ADGRG5: variants seen among roughly 807,000 people sequenced by gnomAD.
ADGRG5 encodes the protein adhesion G protein-coupled receptor G5.
In ADGRG5, 37 loss-of-function variants were observed where a neutral mutation model predicts 53.2. That is an observed-to-expected ratio of 0.70 (90% CI 0.53 to 0.91). The LOEUF is 0.91. Among genes scored for constraint, ADGRG5 ranks in the 40% least tolerant of loss-of-function variants. ADGRG5 has a pLI of 0.00. For synonymous variants in ADGRG5, 277 were observed against 290.4 expected, an observed-to-expected ratio of 0.95 and a Z score of 0.47; for missense variants, 614 against 675.8, an observed-to-expected ratio of 0.91 and a Z score of 1.01.
In ADGRG5 at chr16:57,566,735, A is replaced by C. The variant is rs1384728103; in HGVS notation, c.683A>C (p.Tyr228Ser). 2 of 1,550,880 alleles carry C rather than the reference A, an allele frequency of 1.3e-6. No individual in the cohort carries two copies. The highest frequency in any genetic ancestry group is 1.7e-6 in the Non-Finnish European group (2 of 1,148,820). ...QVLCRCNHLT[Y>S]FAVLMQLSPA... ...CTCTGCCGCTGCAACCACCTCACCTACTTTGCTGTTCTCATGGTATGTATG... is the reference window on the plus strand; with the variant it reads ...CTCTGCCGCTGCAACCACCTCACCTCCTTTGCTGTTCTCATGGTATGTATG... The change falls in exon 7 of 12, where the codon TAC becomes TCC. Residue 228 changes from tyrosine (Y) to serine (S), a missense_variant. By Grantham distance (144) the Tyr-to-Ser change is moderately radical (BLOSUM62 -2). Transcript: ENST00000349457.
At chr16:57,560,720 A>T (rs894038957) in intron 1 of ADGRG5, among the ~76,000 whole-genome samples, 22 of 152,344 alleles carry the variant, frequency 1.4e-4, no homozygotes, top group African/African-American at 5.0e-4. Context: ...TGGAGGTGGC[A>T]GGGGAGATCT....
At chr16:57,560,368 T>G (rs540134337) in intron 1 of ADGRG5, among the ~76,000 whole-genome samples, 1 of 152,342 alleles carries the variant, frequency 6.6e-6, no homozygotes, top group Admixed American at 6.5e-5. Context: ...GGTTGACCAT[T>G]CAAGAGAGGA....
intron 9 of ADGRG5, 23 bp from the exon 10 acceptor site, chr16:57,570,395 T>G: frequency 5.2e-6 from 8 of 1,538,074 alleles, no homozygotes; most frequent in Non-Finnish European, 7.2e-6. Context: ...CCACATCTCC[T>G]GAGCCTTTGT....
intron 10 of ADGRG5, 30 bp downstream of exon 10, chr16:57,570,565 C>T (rs1472288800): frequency 6.6e-7 from 1 of 1,516,476 alleles, no homozygotes; most frequent in African/African-American, 1.4e-5. Flanking sequence ...CAGTGGGCTC[C>T]CTGGCTCTGG....
At chr16:57,541,223 A>G (rs1567610452), upstream of ADGRG5, among the ~76,000 whole-genome samples, 1 of 152,206 alleles carries the variant, frequency 6.6e-6, no homozygotes, top group Non-Finnish European at 1.5e-5. Context: ...GACCCAGGCT[A>G]GAGGGGCTAT....
upstream of ADGRG5, among the ~76,000 whole-genome samples, chr16:57,537,840 G>A (rs1385838169): frequency 1.3e-5 from 2 of 152,166 alleles, no homozygotes; most frequent in African/African-American, 4.8e-5. Context: ...TGTTGAAAGC[G>A]TCTGTTCACC....
chr16:57,552,984 G>A (rs1241728094), intron 1 of ADGRG5, among the ~76,000 whole-genome samples: 1 of 152,182 alleles, frequency 6.6e-6, no homozygotes, highest in East Asian at 1.9e-4. Context: ...CAGCTAGTTG[G>A]TGGAGCAGTC....
Position 57,568,063 on chromosome 16 carries a change from C to T in ADGRG5, c.1029C>T (p.Leu343=), listed in dbSNP as rs545567161. 2.8e-4 allele frequency: 447 copies of T among 1,614,010 alleles called. 7 individuals are homozygous for T. In the South Asian group the frequency reaches 3.9e-3, roughly 14 times the overall value. ...AIEGFNLYLL[L]GRVYNIYIRR... ...AGGGCTTCAACCTCTACCTCCTCCTCGGGCGTGTCTACAACATCTACATCC... is the reference window on the plus strand; with the variant it reads ...AGGGCTTCAACCTCTACCTCCTCCTTGGGCGTGTCTACAACATCTACATCC... The change falls in exon 9 of 12, where the codon CTC becomes CTT. Residue 343 remains leucine (L), a synonymous_variant. Transcript: ENST00000349457.
chr16:57,533,447 C>A, the ADGRG5 span, among the ~76,000 whole-genome samples: 1 of 151,974 alleles, frequency 6.6e-6, no homozygotes, highest in Non-Finnish European at 1.5e-5. Flanking sequence ...CCTGGGGACA[C>A]ACACTCACAT....
In ADGRG5 at chr16:57,574,924, A is replaced by G; in HGVS notation, c.1318A>G (p.Arg440Gly). ...VLAWALWTLR[R>G]LRERADAPSV... ...GGCCTGGGCGCTGTGGACCCTGCGC[A>G]GGCTGCGGGAGCGGGCGGATGCACC... The change falls in exon 11 of 12, where the codon AGG becomes GGG. Residue 440 changes from arginine to glycine, a missense_variant. By Grantham distance (125) the Arg-to-Gly change is moderately radical (BLOSUM62 -2). Transcript: ENST00000349457. The surrounding 1 kb of genome is among the most constrained non-coding windows in gnomAD (Gnocchi z 4.4). The G allele has an allele frequency of 6.2e-7, 1 of 1,613,244 alleles. No homozygotes were observed. Among genetic ancestry groups the G allele is most frequent in the Non-Finnish European group, 8.5e-7 (1 of 1,179,980 alleles).
chr16:57,555,287 G>T (rs1474364765), intron 1 of ADGRG5, among the ~76,000 whole-genome samples: 2 of 152,192 alleles, frequency 1.3e-5, no homozygotes, highest in Non-Finnish European at 2.9e-5. Context: ...GGGAGGGACT[G>T]ATGGGAAGTG....
At chr16:57,532,411 C>T in the ADGRG5 span, among the ~76,000 whole-genome samples, 1 of 152,188 alleles carries the variant, frequency 6.6e-6, no homozygotes, top group African/African-American at 2.4e-5. Context: ...CAGCCTGTGC[C>T]TCTGTGACCC....
the ADGRG5 span, among the ~76,000 whole-genome samples, chr16:57,534,652 C>G: frequency 2.6e-5 from 4 of 152,150 alleles, no homozygotes; most frequent in East Asian, 5.8e-4. Context: ...ACAGCAGATG[C>G]GTGATGGATG....
At position 57,568,003 on chromosome 16, in the gene ADGRG5, C is replaced by T. The variant is rs1427562117; in HGVS notation, c.969C>T (p.Tyr323=). Residue 323 remains tyrosine (Y), a synonymous_variant, in exon 9 of 12, where the codon TAC becomes TAT. Transcript: ENST00000349457. The part of the protein sequence containing the change: ...ACTALAAALH[Y]ALLSCLTWMA... Reference sequence around the variant, plus strand: ...CGGCTCTGGCCGCTGCCCTGCACTACGCGCTGCTCAGCTGCCTCACCTGGA... The same window carrying T: ...CGGCTCTGGCCGCTGCCCTGCACTATGCGCTGCTCAGCTGCCTCACCTGGA... The T allele has an allele frequency of 9.9e-6, 16 of 1,613,960 alleles. No individual in the cohort carries two copies. The highest frequency in any genetic ancestry group is 3.3e-5 in the Admixed American group (2 of 59,996).
chr16:57,536,123 G>A, the ADGRG5 span, among the ~76,000 whole-genome samples: 8 of 151,512 alleles, frequency 5.3e-5, no homozygotes, highest in Admixed American at 2.6e-4. Flanking sequence ...TGCTCTGATT[G>A]GCCAGCGCCG....
chr16:57,536,035 C>T, the ADGRG5 span, among the ~76,000 whole-genome samples: 2 of 152,180 alleles, frequency 1.3e-5, no homozygotes, highest in Admixed American at 1.3e-4. Flanking sequence ...AGGGGGTTCC[C>T]GGCCCGCGCC....
At chr16:57,539,107 A>G (rs1487259203), upstream of ADGRG5, among the ~76,000 whole-genome samples, 1 of 152,242 alleles carries the variant, frequency 6.6e-6, no homozygotes, top group Non-Finnish European at 1.5e-5. Flanking sequence ...AACAAAATGT[A>G]ATATGTATTA....
intron 6 of ADGRG5, 176 bp downstream of exon 6, chr16:57,565,326 AATTCTTT>A: frequency 3.2e-6 from 2 of 625,536 alleles, no homozygotes; most frequent in East Asian, 5.3e-5. Context: ...CATTTGTCAG[AATTCTTT>A]CAGTTGCAAG....
the ADGRG5 span, among the ~76,000 whole-genome samples, chr16:57,533,777 C>T: frequency 3.3e-5 from 5 of 152,122 alleles, no homozygotes; most frequent in African/African-American, 4.8e-5. Flanking sequence ...GCCCTGGTAA[C>T]GCACACACTC....
Sources: gnomAD v4.1 joint callset for allele counts (sites outside exome capture counted in the v4.1 genomes callset) on GRCh38, gnomAD v4.1.1 for gene constraint, Gnocchi (gnomAD v3.1) non-coding constraint, MANE v1.5 for transcripts, NCBI Gene and HGNC (gene_info 2026-07-23, HGNC 2026-07-21) for gene names.